PHLPP2: variants seen among roughly 807,000 people sequenced by gnomAD.
The protein encoded by PHLPP2 is PH domain and leucine rich repeat protein phosphatase 2, also known as PH domain leucine-rich repeat-containing protein phosphatase 2.
Under a neutral mutation model 124.9 loss-of-function variants are expected in PHLPP2, and 66 were observed. That is an observed-to-expected ratio of 0.53 (90% CI 0.43 to 0.65). The LOEUF is 0.65. Among genes scored for constraint, PHLPP2 ranks in the 30% least tolerant of loss-of-function variants. PHLPP2 has a pLI of 0.00. For missense variants in PHLPP2, 1,685 were observed against 1,600.4 expected (o/e 1.05, Z -0.90); for synonymous variants, 681 against 624.7 (o/e 1.09, Z -1.34).
chr16:71,666,892 T>C (rs1222013726), intron 12 of PHLPP2, among the ~76,000 whole-genome samples: 1 of 152,224 alleles, frequency 6.6e-6, no homozygotes, highest in African/African-American at 2.4e-5. Flanking sequence ...ATCATAACTA[T>C]ATTCATTTTC....
rs977504865 is a variant in PHLPP2 at position 71,648,932 on chromosome 16, C to T, written c.3930G>A (p.Glu1310=). The part of the protein sequence containing the change: ...DSRLEPEPHE[E]DRTEPPEEFD... ...ACTCCTCCGGGGGCTCGGTCCGATC[C>T]TCTTCATGGGGCTCAGGCTCGAGCC... Residue 1310 remains glutamate (E), a synonymous_variant, in exon 19 of 19, where the codon GAG becomes GAA. Transcript: ENST00000568954. 41 of 1,613,416 alleles carry T rather than the reference C, an allele frequency of 2.5e-5. No homozygotes were observed. The highest frequency in any genetic ancestry group is 3.4e-5 in the Non-Finnish European group (40 of 1,180,028).
chr16:71,714,280 A>G (rs1168086752), intron 2 of PHLPP2, among the ~76,000 whole-genome samples: 5 of 152,150 alleles, frequency 3.3e-5, no homozygotes, highest in African/African-American at 9.7e-5. Flanking sequence ...TTAAATTTAG[A>G]TATCTGACCT....
intron 8 of PHLPP2, 39 bp from the exon 9 acceptor site, chr16:71,676,688 G>A: frequency 7.1e-7 from 1 of 1,412,888 alleles, no homozygotes; most frequent in Non-Finnish European, 1.0e-6. Context: ...ATAAATAAGA[G>A]TCTATTAAAT....
chr16:71,707,853 T>C (rs556235739), intron 2 of PHLPP2, among the ~76,000 whole-genome samples: 68 of 152,206 alleles, frequency 4.5e-4, no homozygotes, highest in Non-Finnish European at 9.0e-4. Context: ...AGCTGGAGTC[T>C]GAAGGGCAGT....
intron 9 of PHLPP2, among the ~76,000 whole-genome samples, chr16:71,674,641 T>G (rs1187646992): frequency 2.0e-5 from 3 of 152,214 alleles, no homozygotes; most frequent in Admixed American, 6.5e-5. Context: ...TCATTTTCAC[T>G]GCTGTGCAAT....
chr16:71,655,127 T>G, intron 17 of PHLPP2, 113 bp downstream of exon 17: 2 of 726,396 alleles, frequency 2.8e-6, no homozygotes, highest in Non-Finnish European at 2.4e-6. Context: ...GACAACAACG[T>G]GAGTTCTCTC....
In PHLPP2 at chr16:71,679,448, C is replaced by G. The variant is rs568170058; in HGVS notation, c.978G>C (p.Glu326Asp). ...ILLCEISTLT[E>D]LNLSCNGFHD... Reference sequence around the variant, plus strand: ...GAAATCCATTACAGGAAAGGTTGAGCTCAGTCAGGGTAGAGATCTCGCATA... The same window carrying G: ...GAAATCCATTACAGGAAAGGTTGAGGTCAGTCAGGGTAGAGATCTCGCATA... The change falls in exon 7 of 19, where the codon GAG (glutamate) becomes GAC (aspartate). Residue 326 changes from glutamate to aspartate, a missense_variant. By Grantham distance (45) the Glu-to-Asp change is conservative. Transcript: ENST00000568954. The G allele has an allele frequency of 1.2e-6, 2 of 1,613,848 alleles. No individual in the cohort carries two copies. The highest frequency in any genetic ancestry group is 2.7e-5 in the African/African-American group (2 of 75,018).
chr16:71,663,040 G>T (rs1344524057), intron 13 of PHLPP2, among the ~76,000 whole-genome samples: 1 of 152,066 alleles, frequency 6.6e-6, no homozygotes, highest in Non-Finnish European at 1.5e-5. Context: ...CCATCCCCAG[G>T]CTCTGTGCAG....
intron 1 of PHLPP2, 138 bp from the exon 2 acceptor site, chr16:71,714,939 A>T (rs2045351233): frequency 9.6e-7 from 1 of 1,036,676 alleles, no homozygotes; most frequent in Non-Finnish European, 1.4e-6. Context: ...GGAGCACTTC[A>T]CATCTATCAT....
chr16:71,659,977 A>G (rs1177094318), intron 13 of PHLPP2, among the ~76,000 whole-genome samples: 5 of 152,144 alleles, frequency 3.3e-5, no homozygotes, highest in Non-Finnish European at 7.4e-5. Flanking sequence ...TATCATAAAT[A>G]ATTTCTACTC....
At chr16:71,671,912 T>TCAAA (rs34858116) in intron 10 of PHLPP2, among the ~76,000 whole-genome samples, 39,192 of 151,466 alleles carry the variant, frequency 0.26, 5,252 homozygotes, top group Non-Finnish European at 0.3. Context: ...AGACTCCGTC[T>TCAAA]CAAACAAACA....
At chr16:71,658,100 G>A in intron 15 of PHLPP2, 133 bp downstream of exon 15, 1 of 717,680 alleles carries the variant, frequency 1.4e-6, no homozygotes, top group Non-Finnish European at 2.2e-6. Context: ...TCAAAGAAGA[G>A]AACCTAGGGG....
At position 71,699,337 on chromosome 16, in the gene PHLPP2, C is replaced by G. The variant is rs2045206124; in HGVS notation, c.418+3261G>C. Among the ~76,000 whole-genome samples the G allele has an allele frequency of 1.3e-5, 2 of 152,092 alleles. 1 individual carries two copies. Among genetic ancestry groups the G allele is most frequent in the South Asian group, 4.1e-4 (2 of 4,822 alleles). The stretch of plus-strand genomic sequence containing the variant: ...TGTCTTTTTACCAATCGAATGTTGC[C>G]TTTTCCAAAACTACCTACAGCACCT... On this transcript the variant is annotated intron_variant, in intron 3 of 18. Coordinates refer to ENST00000568954, the MANE Select transcript of PHLPP2 (RefSeq NM_015020.3).
chr16:71,662,758 T>C (rs931245357), intron 13 of PHLPP2, among the ~76,000 whole-genome samples: 2 of 152,014 alleles, frequency 1.3e-5, no homozygotes, highest in Non-Finnish European at 2.9e-5. Flanking sequence ...CATGGTGGCA[T>C]GTGTCTGCAG....
intron 1 of PHLPP2, among the ~76,000 whole-genome samples, chr16:71,721,667 T>C (rs1372598299): frequency 1.8e-5 from 1 of 56,156 alleles, no homozygotes; most frequent in East Asian, 1.6e-3. Context: ...CCAAAACTGT[T>C]CTTGAAAAAA....
chr16:71,673,220 G>C (rs2044910698), intron 9 of PHLPP2, among the ~76,000 whole-genome samples: 1 of 152,132 alleles, frequency 6.6e-6, no homozygotes, highest in African/African-American at 2.4e-5. Flanking sequence ...TTGAACGTAA[G>C]CCTAGAAGAG....
chr16:71,699,146 T>C (rs994126040), intron 3 of PHLPP2, among the ~76,000 whole-genome samples: 1 of 152,148 alleles, frequency 6.6e-6, no homozygotes, highest in Non-Finnish European at 1.5e-5. Flanking sequence ...GGAAGCATAT[T>C]TTCTATGATA....
chr16:71,718,869 CG>C (rs1319036270), intron 1 of PHLPP2, among the ~76,000 whole-genome samples: 7 of 152,218 alleles, frequency 4.6e-5, no homozygotes, highest in Admixed American at 1.3e-4. Context: ...TAAACCTGAC[CG>C]ATGGGCACTT....
intron 2 of PHLPP2, among the ~76,000 whole-genome samples, chr16:71,705,243 C>T (rs2045265408): frequency 6.6e-6 from 1 of 152,126 alleles, no homozygotes; most frequent in Non-Finnish European, 1.5e-5. Context: ...AGGCACCTTC[C>T]TAATATAATA....
Sources: allele counts gnomAD v4.1 joint callset (sites outside exome capture counted in the v4.1 genomes callset), GRCh38; gene constraint gnomAD v4.1.1; transcripts MANE v1.5; gene names NCBI Gene and HGNC (gene_info 2026-07-23, HGNC 2026-07-21).